The following EYA4 variants were observed in gnomAD, a reference collection of about 807,000 sequenced individuals.
EYA4 encodes protein phosphatase EYA4.
Under a neutral mutation model 87.9 loss-of-function variants are expected in EYA4, and 31 were observed. The observed-to-expected ratio is 0.35, with a 90% CI of 0.27 to 0.48. The LOEUF is 0.48. Among genes scored for constraint, EYA4 ranks in the 20% least tolerant of loss-of-function variants. The pLI, the probability that EYA4 is intolerant of heterozygous loss-of-function variation, is 0.99. For missense variants in EYA4, 678 were observed against 761.4 expected (o/e 0.89, Z 1.29); for synonymous variants, 263 against 270.6 (o/e 0.97, Z 0.28).
rs535650038 is a variant in EYA4 at position 133,397,856 on chromosome 6, T to C, written c.83+15415T>C. ...AAACCATCAGATCTCGTGAGACTTA[T>C]TCACTATCACAAGAACAGCATGGGA... is the stretch of plus-strand genomic sequence containing the variant. On this transcript the variant is annotated intron_variant, in intron 3 of 19. Coordinates refer to ENST00000355286, the MANE Select transcript of EYA4 (RefSeq NM_004100.5). 2.6e-5 allele frequency among the ~76,000 whole-genome samples: 4 copies of C among 152,302 alleles called. No individual in the cohort carries two copies. In the East Asian group the frequency reaches 7.7e-4, roughly 29 times the overall value.
At chr6:133,330,579 ACACACAC>A (rs1781859823) in intron 2 of EYA4, among the ~76,000 whole-genome samples, 1 of 141,820 alleles carries the variant, frequency 7.1e-6, no homozygotes, top group African/African-American at 2.5e-5. Context: ...ACACACACAC[ACACACAC>A]ACACACATAC....
chr6:133,241,906 C>A (rs901913582), intron 1 of EYA4, among the ~76,000 whole-genome samples, 157 bp downstream of exon 1: 1 of 152,194 alleles, frequency 6.6e-6, no homozygotes, highest in African/African-American at 2.4e-5. Context: ...TGGGCGCCTG[C>A]GTCCCCGGGG....
chr6:133,401,917 T>A (rs1480255969), intron 3 of EYA4, among the ~76,000 whole-genome samples: 3 of 152,146 alleles, frequency 2.0e-5, no homozygotes, highest in African/African-American at 7.2e-5. Flanking sequence ...ATTTTAGTAG[T>A]CACAGGGAAA....
At chr6:133,322,049 TTTTGAGCCAGAGG>T (rs1157400295) in intron 2 of EYA4, among the ~76,000 whole-genome samples, 1 of 152,228 alleles carries the variant, frequency 6.6e-6, no homozygotes, top group African/African-American at 2.4e-5. Flanking sequence ...TTGCTATGGA[TTTTGAGCCAGAGG>T]GCTTATGTCA....
At chr6:133,241,336 C>T (rs2128216432), upstream of EYA4, 1 of 152,298 alleles carries the variant, frequency 6.6e-6, no homozygotes, top group South Asian at 2.1e-4. Context: ...GGCGCACGCT[C>T]CGGCCGTTCC....
At chr6:133,493,416 C>T (rs1165783259) in intron 13 of EYA4, among the ~76,000 whole-genome samples, 1 of 152,154 alleles carries the variant, frequency 6.6e-6, no homozygotes, top group East Asian at 1.9e-4. Flanking sequence ...AACTAGACCC[C>T]TATCTCTTGC....
chr6:133,520,074 C>G (rs1296125349), intron 17 of EYA4, among the ~76,000 whole-genome samples: 1 of 151,664 alleles, frequency 6.6e-6, no homozygotes, highest in Non-Finnish European at 1.5e-5. Context: ...AAAACTGGCA[C>G]AAGACAGGGA....
At chr6:133,420,410 C>T (rs1007006335) in intron 3 of EYA4, among the ~76,000 whole-genome samples, 1 of 152,178 alleles carries the variant, frequency 6.6e-6, no homozygotes, top group Non-Finnish European at 1.5e-5. Context: ...TTGAAAGCAT[C>T]GTCTCAAACA....
At chr6:133,346,410 C>T (rs960825022) in intron 2 of EYA4, among the ~76,000 whole-genome samples, 1 of 152,124 alleles carries the variant, frequency 6.6e-6, no homozygotes, top group African/African-American at 2.4e-5. Flanking sequence ...GATGAACAAA[C>T]CTTCTTAAGC....
At chr6:133,363,215 G>A (rs1229763510) in intron 2 of EYA4, 3 of 152,196 alleles carry the variant, frequency 2.0e-5, no homozygotes, top group Non-Finnish European at 4.4e-5. Flanking sequence ...TGTTTATGAA[G>A]TCCAGAGGGG....
intron 13 of EYA4, among the ~76,000 whole-genome samples, chr6:133,498,469 A>T (rs1312374252): frequency 6.6e-6 from 1 of 152,224 alleles, no homozygotes; most frequent in Non-Finnish European, 1.5e-5. Flanking sequence ...CTATTTATTT[A>T]GTTTCAAGGA....
intron 3 of EYA4, among the ~76,000 whole-genome samples, chr6:133,433,081 A>T (rs979594300): frequency 2.0e-5 from 3 of 152,120 alleles, no homozygotes; most frequent in Non-Finnish European, 1.5e-5. Context: ...AAATTTGCTT[A>T]AAAAAATCAT....
chr6:133,522,509 A>G (rs973930723), intron 17 of EYA4, among the ~76,000 whole-genome samples: 2 of 152,194 alleles, frequency 1.3e-5, no homozygotes, highest in African/African-American at 2.4e-5. Context: ...CAAAATCTGT[A>G]TATGAACAGA....
intron 13 of EYA4, among the ~76,000 whole-genome samples, chr6:133,494,674 CAA>C (rs369090290): frequency 1.1e-4 from 13 of 113,070 alleles, no homozygotes; most frequent in African/African-American, 2.4e-4. Flanking sequence ...CCTGCCTCTA[CAA>C]AAAAAAAAAA....
At chr6:133,398,797 GA>G (rs1562374487) in intron 3 of EYA4, among the ~76,000 whole-genome samples, 1 of 151,882 alleles carries the variant, frequency 6.6e-6, no homozygotes. Context: ...TGGCTTCTTT[GA>G]AAAAAAATTG....
intron 3 of EYA4, among the ~76,000 whole-genome samples, chr6:133,393,503 A>C (rs551584477): frequency 7.2e-4 from 109 of 152,248 alleles, no homozygotes; most frequent in African/African-American, 2.6e-3. Context: ...CTTGAAGGAA[A>C]TGAATGAGTG....
chr6:133,321,816 G>C (rs1168893268), intron 2 of EYA4, among the ~76,000 whole-genome samples: 1 of 152,148 alleles, frequency 6.6e-6, no homozygotes, highest in East Asian at 1.9e-4. Flanking sequence ...CACGAGTTCA[G>C]TTTCATGGAG....
At chr6:133,417,304 T>A (rs1416656007) in intron 3 of EYA4, among the ~76,000 whole-genome samples, 1 of 152,082 alleles carries the variant, frequency 6.6e-6, no homozygotes, top group East Asian at 1.9e-4. Flanking sequence ...TTGCACTCTG[T>A]GAGTTATGAG....
chr6:133,481,143 C>T (rs747296075), intron 11 of EYA4, among the ~76,000 whole-genome samples: 6 of 152,024 alleles, frequency 3.9e-5, no homozygotes, highest in Non-Finnish European at 7.4e-5. Context: ...ACATCTCATT[C>T]TCTGAACTGT....
Sources: allele counts gnomAD v4.1 joint callset (sites outside exome capture counted in the v4.1 genomes callset), GRCh38; gene constraint gnomAD v4.1.1; transcripts MANE v1.5; gene names NCBI Gene and HGNC (gene_info 2026-07-23, HGNC 2026-07-21).